Variants in LRP1B observed in about 807,000 individuals in gnomAD.
LRP1B encodes the protein low-density lipoprotein receptor-related protein 1B.
Under a neutral mutation model 556.6 loss-of-function variants are expected in LRP1B, and 217 were observed. That is an observed-to-expected ratio of 0.39 (90% CI 0.35 to 0.44). The LOEUF is 0.44. Among genes scored for constraint, LRP1B ranks in the 20% least tolerant of loss-of-function variants. The pLI is 1.00. For synonymous variants in LRP1B, 2,047 were observed against 1,865.8 expected (o/e 1.10, Z -2.50); for missense variants, 5,053 against 5,620.8 (o/e 0.90, Z 3.23).
At chr2:141,050,347 A>T (rs1331689267) in intron 10 of LRP1B, among the ~76,000 whole-genome samples, 1 of 151,990 alleles carries the variant, frequency 6.6e-6, no homozygotes, top group Non-Finnish European at 1.5e-5. Flanking sequence ...TAAAAATTTT[A>T]CTTTAAGTTC....
intron 1 of LRP1B, among the ~76,000 whole-genome samples, chr2:142,123,319 A>G (rs563233082): frequency 3.7e-4 from 57 of 152,198 alleles, no homozygotes; most frequent in Non-Finnish European, 5.4e-4. Context: ...TTAAGGAATT[A>G]TATATTCGTA....
chr2:141,391,073 G>A (rs1019148656), intron 3 of LRP1B, among the ~76,000 whole-genome samples: 24 of 152,076 alleles, frequency 1.6e-4, no homozygotes, highest in African/African-American at 2.2e-4. Context: ...AATGAAGGGC[G>A]GTTGAGGGGA....
At position 140,442,651 on chromosome 2, in the gene LRP1B, T is replaced by C. The variant is rs201094809; in HGVS notation, c.10295-28A>G. ...TAGAAAGAAAACTGCCATTAAAATG[T>C]AGCTTTGGAGAACATATTTATTTAT... On this transcript the variant is annotated intron_variant, in intron 65 of 90. Transcript: ENST00000389484. The C allele has an allele frequency of 8.7e-6, 14 of 1,610,704 alleles. 1 individual carries two copies. In the Admixed American group the frequency reaches 2.4e-4, roughly 27 times the overall value.
chr2:140,842,037 T>C (rs116183854), intron 29 of LRP1B, among the ~76,000 whole-genome samples: 2,258 of 152,316 alleles, frequency 0.015, 54 homozygotes, highest in African/African-American at 0.052. Flanking sequence ...TGGAAACTGT[T>C]AAAATAAAGA....
intron 60 of LRP1B, among the ~76,000 whole-genome samples, chr2:140,466,913 CA>C (rs1325425639): frequency 6.6e-6 from 1 of 152,076 alleles, no homozygotes; most frequent in Non-Finnish European, 1.5e-5. Flanking sequence ...CACAAGCAAC[CA>C]AAATTGAAAA....
chr2:141,147,235 T>C (rs566624421), intron 7 of LRP1B, among the ~76,000 whole-genome samples: 1 of 152,252 alleles, frequency 6.6e-6, no homozygotes, highest in African/African-American at 2.4e-5. Flanking sequence ...CTTCCTGTGG[T>C]TTCTAGGCTC....
In LRP1B at chr2:140,514,784, AC is replaced by A. The variant is rs1291821680; in HGVS notation, c.8150-13del. 11 of 1,603,700 alleles carry A rather than the reference AC, an allele frequency of 6.9e-6. No individual in the cohort carries two copies. The Admixed American group carries it at 1.0e-4, about 15-fold the overall frequency. ...AGAGCAAGAAGAATCTAGGAAACAA[AC>A]AAAAGGAAAAAAAAAAATAGTTTGA... On this transcript the variant is annotated splice_polypyrimidine_tract_variant and intron_variant, in intron 50 of 90. Transcript: ENST00000389484.
intron 1 of LRP1B, among the ~76,000 whole-genome samples, chr2:141,982,313 G>T (rs1702065921): frequency 6.6e-6 from 1 of 152,112 alleles, no homozygotes; most frequent in Non-Finnish European, 1.5e-5. Context: ...ATTTTTAGTT[G>T]CCAAAGATTA....
chr2:140,353,859 A>G (rs573645757), intron 75 of LRP1B, among the ~76,000 whole-genome samples: 36 of 152,118 alleles, frequency 2.4e-4, no homozygotes, highest in African/African-American at 8.4e-4. Context: ...CTGGACTCAT[A>G]TATATGAAGT....
chr2:141,915,660 A>G (rs1700011944), intron 1 of LRP1B, among the ~76,000 whole-genome samples: 1 of 152,148 alleles, frequency 6.6e-6, no homozygotes, highest in Non-Finnish European at 1.5e-5. Context: ...CTAAAGAATG[A>G]AAGAAGACAT....
At chr2:141,520,411 G>A (rs548347656) in intron 2 of LRP1B, among the ~76,000 whole-genome samples, 12 of 152,022 alleles carry the variant, frequency 7.9e-5, no homozygotes, top group Non-Finnish European at 1.5e-4. Flanking sequence ...AACAGAGCTC[G>A]CTTAACTCTC....
intron 3 of LRP1B, among the ~76,000 whole-genome samples, chr2:141,341,895 T>C (rs866838883): frequency 2.6e-5 from 4 of 152,244 alleles, no homozygotes; most frequent in Non-Finnish European, 2.9e-5. Context: ...GTGTTTATGA[T>C]AGCAGTCAGC....
chr2:141,614,768 C>G (rs139532424), intron 2 of LRP1B, among the ~76,000 whole-genome samples: 8 of 152,332 alleles, frequency 5.3e-5, no homozygotes, highest in African/African-American at 1.2e-4. Flanking sequence ...ATCTAAGCAA[C>G]TGACACTCTG....
At chr2:140,946,493 T>C (rs9677083) in intron 20 of LRP1B, among the ~76,000 whole-genome samples, 98,534 of 151,754 alleles carry the variant, frequency 0.65, 34,170 homozygotes, top group Non-Finnish European at 0.76. Flanking sequence ...CCAAGCTACT[T>C]GGGAGGCTGA....
intron 3 of LRP1B, among the ~76,000 whole-genome samples, chr2:141,324,482 T>G (rs1354901502): frequency 3.3e-5 from 5 of 152,164 alleles, no homozygotes; most frequent in Admixed American, 3.3e-4. Flanking sequence ...TTTCCCTTGA[T>G]AATTCAATTT....
chr2:141,858,842 G>C (rs2105784804), intron 1 of LRP1B, among the ~76,000 whole-genome samples: 2 of 152,216 alleles, frequency 1.3e-5, no homozygotes, highest in Admixed American at 1.3e-4. Flanking sequence ...ATTTTCTTAA[G>C]ATGACATAAC....
intron 1 of LRP1B, among the ~76,000 whole-genome samples, chr2:142,105,979 C>T (rs906637102): frequency 2.0e-5 from 3 of 152,046 alleles, no homozygotes; most frequent in Non-Finnish European, 1.5e-5. Context: ...ACTTTTCTTA[C>T]GGCATTTAAC....
chr2:140,948,002 A>G (rs1695592306), intron 20 of LRP1B, among the ~76,000 whole-genome samples: 1 of 152,148 alleles, frequency 6.6e-6, no homozygotes, highest in South Asian at 2.1e-4. Flanking sequence ...CTGCTTCTAC[A>G]ATAGTGAAAC....
At chr2:141,229,159 A>G (rs372182873) in intron 6 of LRP1B, 24 bp downstream of exon 6, 188 of 1,609,548 alleles carry the variant, frequency 1.2e-4, no homozygotes, top group Middle Eastern at 3.3e-4. Flanking sequence ...AGGGTGGCAT[A>G]TAATATTTAA....
Sources: gnomAD v4.1 joint callset for allele counts (sites outside exome capture counted in the v4.1 genomes callset) on GRCh38, gnomAD v4.1.1 for gene constraint, MANE v1.5 for transcripts, NCBI Gene and HGNC (gene_info 2026-07-23, HGNC 2026-07-21) for gene names.